Variants in DYNC1LI1 observed in about 807,000 individuals in gnomAD.
The protein encoded by DYNC1LI1 is dynein cytoplasmic 1 light intermediate chain 1.
A neutral mutation model predicts 63.8 loss-of-function variants in DYNC1LI1; 19 were observed. The ratio of observed to expected loss-of-function variants is 0.30; its 90% CI spans 0.21 to 0.44. The LOEUF is 0.44. DYNC1LI1 is among the 20% of genes least tolerant of loss of function. The pLI, the probability that DYNC1LI1 is intolerant of heterozygous loss-of-function variation, is 1.00. For synonymous variants in DYNC1LI1, 225 were observed against 232.3 expected, an observed-to-expected ratio of 0.97 and a Z score of 0.28; for missense variants, 565 against 630.2, an observed-to-expected ratio of 0.90 and a Z score of 1.11.
chr3:32,554,604 G>A (rs74829799), intron 2 of DYNC1LI1, among the ~76,000 whole-genome samples: 2,127 of 152,238 alleles, frequency 0.014, 44 homozygotes, highest in African/African-American at 0.049. Flanking sequence ...CCTCCCAAGA[G>A]AATCCAAGTC....
At chr3:32,546,575 A>G (rs568060672) in intron 2 of DYNC1LI1, among the ~76,000 whole-genome samples, 7 of 152,318 alleles carry the variant, frequency 4.6e-5, no homozygotes, top group African/African-American at 1.7e-4. Context: ...TTCCACTCTC[A>G]TGTCATCCCA....
Position 32,528,603 on chromosome 3 carries a change from T to C in DYNC1LI1, c.1307-2A>G, listed in dbSNP as rs200204824. The C allele has an allele frequency of 6.3e-7, 1 of 1,586,814 alleles. No homozygotes were observed. The highest frequency in any genetic ancestry group is 2.2e-5 in the East Asian group (1 of 44,604). ...GAACGCCTTCACTTGTAGCTCCAGC[T>C]ATAAAAAAATAAAAAAACAAAAAGC... On this transcript the variant is annotated splice_acceptor_variant, in intron 11 of 12. Coordinates refer to ENST00000273130, the MANE Select transcript of DYNC1LI1 (RefSeq NM_016141.4). LOFTEE classifies it high-confidence loss of function.
chr3:32,529,594 C>A lies in DYNC1LI1; in HGVS notation c.1252G>T (p.Ala418Ser). 1 of 1,609,992 alleles carries A rather than the reference C, an allele frequency of 6.2e-7. No individual in the cohort carries two copies. Among genetic ancestry groups the A allele is most frequent in the Non-Finnish European group, 8.5e-7 (1 of 1,178,356 alleles). ...TPNRSVSSNVASVSPIPAGSK... is the reference protein window; with the variant it reads ...TPNRSVSSNVSSVSPIPAGSK... ...CCAGCAGGAATGGGTGACACGCTGG[C>A]AACATTAGATGATACAGATCTATTT... The change falls in exon 11 of 13, where the codon GCC (alanine) becomes TCC (serine). Residue 418 changes from alanine (A) to serine (S), a missense_variant. Ala to Ser is a moderately conservative substitution (Grantham distance 99). Coordinates refer to ENST00000273130, the MANE Select transcript of DYNC1LI1 (RefSeq NM_016141.4).
At chr3:32,568,620 A>G (rs1698300437) in intron 2 of DYNC1LI1, among the ~76,000 whole-genome samples, 2 of 152,196 alleles carry the variant, frequency 1.3e-5, no homozygotes, top group South Asian at 2.1e-4. Flanking sequence ...TGTTAAAAAA[A>G]AAATGGCACA....
chr3:32,559,802 T>G (rs1698165877), intron 2 of DYNC1LI1, among the ~76,000 whole-genome samples: 1 of 152,200 alleles, frequency 6.6e-6, no homozygotes, highest in South Asian at 2.1e-4. Context: ...ATTTTTGATT[T>G]GGACTTATAT....
At chr3:32,533,315 G>T in intron 7 of DYNC1LI1, among the ~76,000 whole-genome samples, 1 of 151,928 alleles carries the variant, frequency 6.6e-6, no homozygotes, top group Middle Eastern at 3.4e-3. Context: ...AAATAAAAAA[G>T]AAAAAAAATT....
intron 2 of DYNC1LI1, among the ~76,000 whole-genome samples, chr3:32,566,049 A>G (rs970546000): frequency 6.6e-6 from 1 of 152,172 alleles, no homozygotes; most frequent in Admixed American, 6.5e-5. Flanking sequence ...TGAGAGAAGG[A>G]CTGCTTGAGC....
Position 32,537,001 on chromosome 3 carries a change from A to T in DYNC1LI1, c.832+10T>A. The T allele has an allele frequency of 6.9e-7, 1 of 1,459,800 alleles. No individual in the cohort carries two copies. The highest frequency in any genetic ancestry group is 9.5e-7 in the Non-Finnish European group (1 of 1,056,934). 90.4% of individuals were successfully genotyped at this position (1,459,800 alleles called of 1,614,324 possible). ...ATACACTGAATCAATAAATGTATTT[A>T]AAAGGATACACTGTAAACAAAACTT... On this transcript the variant is annotated intron_variant, in intron 6 of 12. Coordinates refer to ENST00000273130, the MANE Select transcript of DYNC1LI1 (RefSeq NM_016141.4).
chr3:32,567,946 C>T (rs1304255969), intron 2 of DYNC1LI1, among the ~76,000 whole-genome samples: 2 of 152,002 alleles, frequency 1.3e-5, no homozygotes, highest in Non-Finnish European at 2.9e-5. Flanking sequence ...TCAGGTGATC[C>T]GCTCACCTAG....
At position 32,526,096 on chromosome 3, in the gene DYNC1LI1, A is replaced by C. The variant is rs1419094013; in HGVS notation, c.*703T>G. 1 of 152,400 alleles carries C rather than the reference A, an allele frequency of 6.6e-6. No homozygotes were observed. The highest frequency in any genetic ancestry group is 2.4e-5 in the African/African-American group (1 of 41,382). The allele number at this position is 152,400 out of a possible 1,614,324, so 9.4% of individuals were successfully genotyped here. On this transcript the variant is annotated 3_prime_UTR_variant, in exon 13 of 13. Coordinates refer to ENST00000273130, the MANE Select transcript of DYNC1LI1 (RefSeq NM_016141.4). ...ATATATATATGTATAGACAAATCCA[A>C]AGATTGTTACTTCTTTACATTTTAA...
Position 32,548,774 on chromosome 3 carries a change from G to C in DYNC1LI1, c.221-2809C>G, listed in dbSNP as rs138244550. Among the ~76,000 whole-genome samples, 990 of 152,134 alleles carry C rather than the reference G, an allele frequency of 6.5e-3. 9 individuals are homozygous for C. Among genetic ancestry groups the C allele is most frequent in the African/African-American group, 0.023 (941 of 41,502 alleles). On this transcript the variant is annotated intron_variant, in intron 2 of 12. Coordinates refer to ENST00000273130, the MANE Select transcript of DYNC1LI1 (RefSeq NM_016141.4). ...TCTCACAACAATGACAACTATGTGAGGTAATACATATGTTAATTAGCTTGA... is the reference window on the plus strand; with the variant it reads ...TCTCACAACAATGACAACTATGTGACGTAATACATATGTTAATTAGCTTGA...
chr3:32,543,642 G>A (rs181329839), intron 4 of DYNC1LI1, among the ~76,000 whole-genome samples: 324 of 149,408 alleles, frequency 2.2e-3, no homozygotes, highest in African/African-American at 7.3e-3. Context: ...TCCTAACCTC[G>A]TGATCCACCT....
At chr3:32,561,028 A>AACC (rs1698185251) in intron 2 of DYNC1LI1, among the ~76,000 whole-genome samples, 1 of 138,242 alleles carries the variant, frequency 7.2e-6, no homozygotes, top group African/African-American at 3.2e-5. Context: ...AAAAAAAAAA[A>AACC]AAAAACAAAC....
chr3:32,545,690 A>G, intron 3 of DYNC1LI1, 159 bp downstream of exon 3: 1 of 655,662 alleles, frequency 1.5e-6, no homozygotes, highest in South Asian at 1.7e-5. Flanking sequence ...CCCAATCCCA[A>G]ATTAATAAAA....
chr3:32,532,506 T>TATATATATATATATATATATAA (rs1375889866), intron 8 of DYNC1LI1: 1 of 145,804 alleles, frequency 6.9e-6, no homozygotes, highest in Non-Finnish European at 1.5e-5. Flanking sequence ...TATATATATA[T>TATATATATATATATATATATAA]AAAATTGAAA....
At chr3:32,552,559 C>T (rs996241119) in intron 2 of DYNC1LI1, among the ~76,000 whole-genome samples, 2 of 152,008 alleles carry the variant, frequency 1.3e-5, no homozygotes, top group African/African-American at 2.4e-5. Flanking sequence ...TACTTAGTCT[C>T]CCCCAACCTC....
chr3:32,528,749 T>C (rs754976579), intron 11 of DYNC1LI1, 148 bp from the exon 12 acceptor site: 55 of 685,746 alleles, frequency 8.0e-5, no homozygotes, highest in South Asian at 6.4e-4. Context: ...GATCTTTTGA[T>C]GCTGAGTAAT....
chr3:32,566,692 C>A (rs1264686143), intron 2 of DYNC1LI1: 1 of 433,724 alleles, frequency 2.3e-6, no homozygotes, highest in African/African-American at 2.0e-5. Context: ...GAGCCGAAAT[C>A]TTGCCATTAC....
Position 32,528,613 on chromosome 3 carries a change from T to A in DYNC1LI1, c.1307-12A>T, listed in dbSNP as rs746759920. The A allele has an allele frequency of 5.1e-6, 8 of 1,583,558 alleles. No individual in the cohort carries two copies. In the Admixed American group the frequency reaches 5.9e-5, roughly 12 times the overall value. On this transcript the variant is annotated splice_polypyrimidine_tract_variant and intron_variant, in intron 11 of 12. Coordinates refer to ENST00000273130, the MANE Select transcript of DYNC1LI1 (RefSeq NM_016141.4). ...ACTTGTAGCTCCAGCTATAAAAAAA[T>A]AAAAAAACAAAAAGCTTTAGCCAAA...
Sources: gnomAD v4.1 joint callset for allele counts (sites outside exome capture counted in the v4.1 genomes callset) on GRCh38, gnomAD v4.1.1 for gene constraint, MANE v1.5 for transcripts, NCBI Gene and HGNC (gene_info 2026-07-23, HGNC 2026-07-21) for gene names.